Variants in HDAC8 observed in about 807,000 individuals in gnomAD.
The protein encoded by HDAC8 is histone deacetylase-like 1.
A neutral mutation model predicts 32.2 loss-of-function variants in HDAC8; 1 was observed. The observed-to-expected ratio is 0.03, with a 90% CI of 0.01 to 0.15. The LOEUF is 0.15. Ranked by LOEUF, HDAC8 falls within the 10% of genes least tolerant of loss-of-function variation. The probability of loss-of-function intolerance (pLI) is 1.00; values close to 1 mark genes in which losing one functional copy is unlikely to be tolerated. For synonymous variants in HDAC8, 108 were observed against 113.9 expected (o/e 0.95, Z 0.33); for missense variants, 117 against 300.0 (o/e 0.39, Z 4.51).
intron 9 of HDAC8, among the ~76,000 whole-genome samples, chrX:72,397,655 C>G (rs2045799075): frequency 1.8e-5 from 2 of 111,606 alleles, no homozygotes; most frequent in Admixed American, 1.9e-4. Flanking sequence ...AAAAATCACT[C>G]CCTTGCATTT....
intron 9 of HDAC8, among the ~76,000 whole-genome samples, chrX:72,415,506 T>C (rs1417524052): frequency 1.8e-5 from 2 of 112,350 alleles, no homozygotes; most frequent in Non-Finnish European, 3.8e-5. Context: ...CTCAGACCTG[T>C]ATAAATTTGG....
chrX:72,511,477 G>A (rs1296136359), intron 4 of HDAC8, among the ~76,000 whole-genome samples: 1 of 111,628 alleles, frequency 9.0e-6, no homozygotes, highest in Admixed American at 9.5e-5. Context: ...ATATGTATTT[G>A]TATTTCTGCA....
At chrX:72,506,499 G>A (rs1347218020) in intron 4 of HDAC8, among the ~76,000 whole-genome samples, 1 of 111,672 alleles carries the variant, frequency 9.0e-6, no homozygotes, top group African/African-American at 3.3e-5. Flanking sequence ...AAACAACTCA[G>A]TCATGTGGGA....
intron 9 of HDAC8, among the ~76,000 whole-genome samples, chrX:72,374,753 A>G (rs1438402133): frequency 1.9e-5 from 2 of 108,038 alleles, no homozygotes; most frequent in Admixed American, 9.8e-5. Flanking sequence ...TTTTTTCCCC[A>G]TTCTGTGAGT....
At chrX:72,380,417 A>C (rs1357517237) in intron 9 of HDAC8, among the ~76,000 whole-genome samples, 1 of 112,055 alleles carries the variant, frequency 8.9e-6, no homozygotes, top group African/African-American at 3.2e-5. Flanking sequence ...GAGGCTTGGA[A>C]GGAGCTCCAA....
intron 4 of HDAC8, among the ~76,000 whole-genome samples, chrX:72,504,522 G>C (rs1477907082): frequency 1.8e-5 from 2 of 111,195 alleles, no homozygotes; most frequent in Non-Finnish European, 3.8e-5. Flanking sequence ...TTTTTTTAGA[G>C]CTGAATAATA....
intron 9 of HDAC8, among the ~76,000 whole-genome samples, chrX:72,385,889 C>T (rs1381892289): frequency 8.9e-6 from 1 of 112,077 alleles, no homozygotes; most frequent in Non-Finnish European, 1.9e-5. Context: ...TCACTGTACT[C>T]TACCGCCTCT....
chrX:72,365,140 G>C (rs1356842353), intron 9 of HDAC8, among the ~76,000 whole-genome samples: 1 of 111,768 alleles, frequency 8.9e-6, no homozygotes, highest in Admixed American at 9.5e-5. Flanking sequence ...TGTACTAGTT[G>C]AGCATGCCTA....
intron 9 of HDAC8, among the ~76,000 whole-genome samples, chrX:72,397,760 T>C (rs893010827): frequency 3.6e-5 from 4 of 112,573 alleles, no homozygotes; most frequent in Non-Finnish European, 7.5e-5. Flanking sequence ...ACTAAACTTC[T>C]TTTGAAGTTG....
At chrX:72,469,240 G>A (rs1429767056) in intron 7 of HDAC8, among the ~76,000 whole-genome samples, 1 of 111,163 alleles carries the variant, frequency 9.0e-6, no homozygotes, top group African/African-American at 3.3e-5. Flanking sequence ...CTGCAGTGCA[G>A]TGGCATGATC....
At chrX:72,553,234 C>G (rs1009241679) in intron 4 of HDAC8, among the ~76,000 whole-genome samples, 1 of 110,761 alleles carries the variant, frequency 9.0e-6, no homozygotes, top group Non-Finnish European at 1.9e-5. Flanking sequence ...TTAGTAGAGA[C>G]GGGGTTTCAC....
At chrX:72,535,258 G>A (rs2050485248) in intron 4 of HDAC8, among the ~76,000 whole-genome samples, 1 of 111,866 alleles carries the variant, frequency 8.9e-6, no homozygotes, top group South Asian at 3.7e-4. Flanking sequence ...GGCAGAAATG[G>A]TTACAGGAGA....
chrX:72,357,512 G>A (rs1329552683), intron 9 of HDAC8, among the ~76,000 whole-genome samples: 1 of 110,818 alleles, frequency 9.0e-6, no homozygotes, highest in Non-Finnish European at 1.9e-5. Context: ...CAGTTCTGGC[G>A]ACAATTTGAA....
intron 2 of HDAC8, among the ~76,000 whole-genome samples, chrX:72,569,392 A>T (rs2051925937): frequency 8.9e-6 from 1 of 112,391 alleles, no homozygotes; most frequent in South Asian, 3.7e-4. Context: ...CTATAACCTC[A>T]GATAAGTCAA....
chrX:72,447,945 A>T (rs1333409954), intron 9 of HDAC8, among the ~76,000 whole-genome samples: 1 of 112,224 alleles, frequency 8.9e-6, no homozygotes, highest in Non-Finnish European at 1.9e-5. Context: ...GGACACAAAC[A>T]AATGGAAAAA....
At chrX:72,519,752 G>C (rs1187878111) in intron 4 of HDAC8, among the ~76,000 whole-genome samples, 1 of 110,604 alleles carries the variant, frequency 9.0e-6, no homozygotes, top group Non-Finnish European at 1.9e-5. Context: ...ACCACACCCA[G>C]CTAAGTTTTG....
chrX:72,544,008 G>T (rs782393568), intron 4 of HDAC8, among the ~76,000 whole-genome samples: 1 of 112,228 alleles, frequency 8.9e-6, no homozygotes, highest in African/African-American at 3.2e-5. Flanking sequence ...CTGTGACTGG[G>T]GTAAATGGCT....
chrX:72,572,484 T>C, intron 1 of HDAC8, 167 bp downstream of exon 1: 1 of 441,272 alleles, frequency 2.3e-6, no homozygotes, highest in Non-Finnish European at 3.9e-6. Context: ...TCAGAAACGA[T>C]ATGAGAACAC....
chrX:72,436,617 A>C lies in HDAC8; in HGVS notation c.1005+25387T>G, dbSNP rs138438438. Among the ~76,000 whole-genome samples the C allele has an allele frequency of 4.1e-3, 454 of 110,863 alleles. 4 individuals are homozygous for C. Among genetic ancestry groups the C allele is most frequent in the African/African-American group, 0.014 (432 of 30,434 alleles). On this transcript the variant is annotated intron_variant, in intron 9 of 10. Coordinates refer to ENST00000373573, the MANE Select transcript of HDAC8 (RefSeq NM_018486.3). ...CAGAAAGGAAATGATAAAAGAAAAAAAAGAGCATCAGGAAGGAAGGAAGGA... is the reference window on the plus strand; with the variant it reads ...CAGAAAGGAAATGATAAAAGAAAAACAAGAGCATCAGGAAGGAAGGAAGGA...
Sources: allele counts gnomAD v4.1 joint callset (sites outside exome capture counted in the v4.1 genomes callset), GRCh38; gene constraint gnomAD v4.1.1; transcripts MANE v1.5; gene names NCBI Gene and HGNC (gene_info 2026-07-23, HGNC 2026-07-21).